The following ZNF407 variants were observed in gnomAD, a reference collection of about 807,000 sequenced individuals.
ZNF407 encodes the protein zinc finger protein 407.
In ZNF407, 17 loss-of-function variants were observed where a neutral mutation model predicts 131.2. The observed-to-expected ratio is 0.13, with a 90% confidence interval of 0.09 to 0.19. ZNF407 has a LOEUF of 0.19. ZNF407 is among the 10% of genes least tolerant of loss of function. ZNF407 has a pLI of 1.00. For synonymous variants in ZNF407, 1,156 were observed against 1,062.0 expected, an observed-to-expected ratio of 1.09 and a Z score of -1.72; for missense variants, 2,681 against 2,830.6, an observed-to-expected ratio of 0.95 and a Z score of 1.20.
chr18:74,944,655 A>G (rs1381967239), intron 8 of ZNF407, among the ~76,000 whole-genome samples: 1 of 152,250 alleles, frequency 6.6e-6, no homozygotes, highest in Non-Finnish European at 1.5e-5. Flanking sequence ...CAGCAATCAC[A>G]TTTAGCTTTT....
At chr18:74,974,131 C>A (rs1972502206) in intron 8 of ZNF407, among the ~76,000 whole-genome samples, 1 of 152,166 alleles carries the variant, frequency 6.6e-6, no homozygotes, top group Non-Finnish European at 1.5e-5. Flanking sequence ...GTAAGCTCTA[C>A]AACTGTGCAG....
chr18:74,751,494 G>T (rs976621201), intron 3 of ZNF407, among the ~76,000 whole-genome samples: 7 of 151,948 alleles, frequency 4.6e-5, no homozygotes, highest in African/African-American at 9.7e-5. Context: ...TTTACATTAG[G>T]TATATCTTCT....
At chr18:74,672,649 GT>G (rs1986199391) in intron 3 of ZNF407, among the ~76,000 whole-genome samples, 1 of 151,982 alleles carries the variant, frequency 6.6e-6, no homozygotes, top group Non-Finnish European at 1.5e-5. Flanking sequence ...TTGGAGCACT[GT>G]TCGTCTGTTC....
intron 8 of ZNF407, among the ~76,000 whole-genome samples, chr18:75,058,178 C>T (rs572352817): frequency 6.6e-6 from 1 of 152,238 alleles, no homozygotes; most frequent in South Asian, 2.1e-4. Flanking sequence ...TGTTTTTCCA[C>T]GCTGGAGATG....
At chr18:74,759,531 C>T (rs1277615642) in intron 3 of ZNF407, among the ~76,000 whole-genome samples, 2 of 151,558 alleles carry the variant, frequency 1.3e-5, no homozygotes, top group Non-Finnish European at 2.9e-5. Flanking sequence ...CCTCTTTCTT[C>T]TTCTCCTTGT....
intron 3 of ZNF407, among the ~76,000 whole-genome samples, chr18:74,701,513 G>T (rs1190886954): frequency 6.6e-6 from 1 of 152,130 alleles, no homozygotes; most frequent in Admixed American, 6.5e-5. Flanking sequence ...CAAGTCATAA[G>T]GCACCTGGGA....
At chr18:74,733,978 T>G (rs1485071476) in intron 3 of ZNF407, among the ~76,000 whole-genome samples, 2 of 152,146 alleles carry the variant, frequency 1.3e-5, no homozygotes, top group Non-Finnish European at 2.9e-5. Flanking sequence ...TCAAATTTAC[T>G]GGTTATTTTT....
Position 75,005,924 on chromosome 18 carries a change from C to T in ZNF407, c.5429-57226C>T, listed in dbSNP as rs189206945. Among the ~76,000 whole-genome samples the T allele has an allele frequency of 1.2e-3, 180 of 152,066 alleles. 1 individual carries two copies. Among genetic ancestry groups the T allele is most frequent in the Non-Finnish European group, 2.0e-3 (137 of 67,994 alleles). On this transcript the variant is annotated intron_variant, in intron 8 of 8. Coordinates refer to ENST00000299687, the MANE Select transcript of ZNF407 (RefSeq NM_017757.3). ...TGTTTGAGGAGACTAAAGTGAACAG[C>T]GGGTCTATGGGAGTTTTGATTCTTC...
intron 8 of ZNF407, among the ~76,000 whole-genome samples, chr18:74,963,850 T>C (rs1972377734): frequency 6.6e-6 from 1 of 152,240 alleles, no homozygotes; most frequent in Admixed American, 6.5e-5. Context: ...AATTATCCCA[T>C]CTTTTCGTGG....
intron 4 of ZNF407, among the ~76,000 whole-genome samples, chr18:74,813,377 G>A (rs1970224386): frequency 6.6e-6 from 1 of 152,144 alleles, no homozygotes; most frequent in Non-Finnish European, 1.5e-5. Flanking sequence ...GATCCATGGA[G>A]GTGAGGCACT....
chr18:75,047,300 G>T (rs1202527358), intron 8 of ZNF407, among the ~76,000 whole-genome samples: 1 of 152,164 alleles, frequency 6.6e-6, no homozygotes, highest in Non-Finnish European at 1.5e-5. Context: ...GTAAAAGGAA[G>T]GCATAGAAAA....
intron 4 of ZNF407, among the ~76,000 whole-genome samples, chr18:74,849,699 C>A (rs759235661): frequency 3.3e-5 from 5 of 152,154 alleles, no homozygotes; most frequent in Non-Finnish European, 4.4e-5. Context: ...CCAGCGATGT[C>A]CTGAGAAAGA....
At chr18:74,759,983 AATAT>A (rs563137069) in intron 3 of ZNF407, among the ~76,000 whole-genome samples, 1 of 145,564 alleles carries the variant, frequency 6.9e-6, no homozygotes, top group Non-Finnish European at 1.5e-5. Flanking sequence ...TCCATATATA[AATAT>A]ATATATATAT....
chr18:74,713,700 ATACG>A (rs1416900198), intron 3 of ZNF407, among the ~76,000 whole-genome samples: 1 of 152,188 alleles, frequency 6.6e-6, no homozygotes, highest in African/African-American at 2.4e-5. Context: ...AAATTTTGTA[ATACG>A]TGTACAAACA....
At chr18:74,767,346 G>A (rs1276908992) in intron 3 of ZNF407, among the ~76,000 whole-genome samples, 2 of 152,138 alleles carry the variant, frequency 1.3e-5, no homozygotes, top group East Asian at 3.8e-4. Context: ...TCTCGCCAAT[G>A]TTGCGGTAAT....
At chr18:74,926,147 C>T (rs541319776) in intron 8 of ZNF407, among the ~76,000 whole-genome samples, 3 of 152,304 alleles carry the variant, frequency 2.0e-5, no homozygotes, top group African/African-American at 4.8e-5. Flanking sequence ...CCAAATACTC[C>T]GGAGCTGTCT....
Position 74,954,725 on chromosome 18 carries a change from A to G in ZNF407, c.5428+34033A>G, listed in dbSNP as rs1358818941. ...ATGAGTGTATGAAACCGCAACACACAGGGGAAGGGGTATTCCTAAACTATT... is the reference window on the plus strand; with the variant it reads ...ATGAGTGTATGAAACCGCAACACACGGGGGAAGGGGTATTCCTAAACTATT... On this transcript the variant is annotated intron_variant, in intron 8 of 8. Coordinates refer to ENST00000299687, the MANE Select transcript of ZNF407 (RefSeq NM_017757.3). Among the ~76,000 whole-genome samples the G allele has an allele frequency of 3.3e-5, 5 of 152,342 alleles. No individual in the cohort carries two copies. The East Asian group carries it at 9.6e-4, about 29-fold the overall frequency.
intron 3 of ZNF407, among the ~76,000 whole-genome samples, chr18:74,749,431 C>T (rs1298500809): frequency 2.6e-5 from 4 of 152,106 alleles, no homozygotes; most frequent in Admixed American, 1.3e-4. Context: ...TAATGGTGCC[C>T]ATTTTGCCCT....
At chr18:74,983,366 G>A (rs1972615588) in intron 8 of ZNF407, among the ~76,000 whole-genome samples, 1 of 152,174 alleles carries the variant, frequency 6.6e-6, no homozygotes, top group Admixed American at 6.5e-5. Flanking sequence ...ACAGCATGCA[G>A]TGTTTGTTCC....
Sources: allele counts gnomAD v4.1 joint callset (sites outside exome capture counted in the v4.1 genomes callset), GRCh38; gene constraint gnomAD v4.1.1; transcripts MANE v1.5; gene names NCBI Gene and HGNC (gene_info 2026-07-23, HGNC 2026-07-21).